SRSF11: variants seen among roughly 807,000 people sequenced by gnomAD.
The protein encoded by SRSF11 is serine and arginine rich splicing factor 11.
A neutral mutation model predicts 56.0 loss-of-function variants in SRSF11; 9 were observed. The ratio of observed to expected loss-of-function variants is 0.16; its 90% CI spans 0.10 to 0.28. The LOEUF is 0.28. SRSF11 is among the 10% of genes least tolerant of loss of function. The pLI, the probability that SRSF11 is intolerant of heterozygous loss-of-function variation, is 1.00. For synonymous variants in SRSF11, 222 were observed against 215.3 expected, an observed-to-expected ratio of 1.03 and a Z score of -0.27; for missense variants, 421 against 600.7, an observed-to-expected ratio of 0.70 and a Z score of 3.13.
chr1:70,229,361 C>A (rs529246636), intron 2 of SRSF11: 2 of 1,191,682 alleles, frequency 1.7e-6, no homozygotes, highest in African/African-American at 3.2e-5. Context: ...TACATTTTCT[C>A]TCTTTTTACA....
Position 70,221,989 on chromosome 1 carries a change from C to T in SRSF11, c.203+150C>T, listed in dbSNP as rs1670747181. ...TGGATTTACTTAAGACGGTTGTGTT[C>T]CAGGCCTACAAAAAAATGCAGAGAG... On this transcript the variant is annotated intron_variant, in intron 1 of 11. Coordinates refer to ENST00000370949, the MANE Select transcript of SRSF11 (RefSeq NM_001350605.2). The T allele has an allele frequency of 2.2e-6, 3 of 1,380,004 alleles. No homozygotes were observed. The Admixed American group carries it at 9.2e-5, about 42-fold the overall frequency. The allele number at this position is 1,380,004 out of a possible 1,614,324, so 85.5% of individuals were successfully genotyped here.
chr1:70,227,902 C>T (rs1672154507), intron 1 of SRSF11, among the ~76,000 whole-genome samples: 2 of 152,130 alleles, frequency 1.3e-5, no homozygotes, highest in Admixed American at 6.5e-5. Flanking sequence ...CATAAGAGTT[C>T]TTACATGCTG....
chr1:70,218,270 C>T (rs552453820), upstream of SRSF11, among the ~76,000 whole-genome samples: 4 of 152,214 alleles, frequency 2.6e-5, no homozygotes, highest in African/African-American at 9.6e-5. Flanking sequence ...ACCTGGCCAA[C>T]AGGGCTGGTA....
At chr1:70,216,089 C>CT (rs1381814805) in intron 1 of SRSF11, among the ~76,000 whole-genome samples, 3 of 152,068 alleles carry the variant, frequency 2.0e-5, no homozygotes. Context: ...CGTGGCCTGT[C>CT]TGCTCTCCTT....
chr1:70,216,952 G>T (rs190012545), upstream of SRSF11, among the ~76,000 whole-genome samples: 331 of 152,164 alleles, frequency 2.2e-3, 2 homozygotes, highest in African/African-American at 7.4e-3. Flanking sequence ...CTTCAAACTT[G>T]TTCTTATCCT....
chr1:70,233,716 G>A (rs1159279015), intron 3 of SRSF11, among the ~76,000 whole-genome samples: 6 of 152,202 alleles, frequency 3.9e-5, no homozygotes, highest in Middle Eastern at 3.2e-3. Flanking sequence ...AGAACTTGTA[G>A]CACAGGTGGA....
At chr1:70,237,295 C>A in intron 5 of SRSF11, 130 bp from the exon 6 acceptor site, 1 of 1,131,988 alleles carries the variant, frequency 8.8e-7, no homozygotes, top group Non-Finnish European at 1.3e-6. Flanking sequence ...CCAAAGTTAT[C>A]ATGGAGTCCT....
intron 2 of SRSF11, chr1:70,230,549 T>G (rs1281772107): frequency 7.8e-7 from 1 of 1,277,850 alleles, no homozygotes; most frequent in Non-Finnish European, 1.0e-6. Flanking sequence ...TTCTACACAT[T>G]CATGCAGTAT....
At chr1:70,245,431 A>G (rs1676527638) in intron 8 of SRSF11, among the ~76,000 whole-genome samples, 1 of 152,198 alleles carries the variant, frequency 6.6e-6, no homozygotes. Flanking sequence ...TCATTGTTAA[A>G]CCTGTAATAA....
chr1:70,244,733 C>G lies in SRSF11; in HGVS notation c.850C>G (p.Arg284Gly), dbSNP rs200246379. 1.9e-6 allele frequency: 3 copies of G among 1,613,900 alleles called. No homozygotes were observed. The highest frequency in any genetic ancestry group is 2.5e-6 in the Non-Finnish European group (3 of 1,179,990). Residue 284 changes from arginine (R) to glycine (G), a missense_variant, in exon 8 of 12, where the codon CGG becomes GGG. Around this residue, in one of 2 missense-constraint regions of SRSF11, gnomAD observed 253 missense variants for 305.8 expected, o/e 0.83. Transcript: ENST00000370949. ...RRRSHSKSRS[R>G]RRSKSPRRRR... Reference sequence around the variant, plus strand: ...GCGGTCACATTCTAAGTCTAGGAGTCGGCGACGATCCAAAAGCCCAAGGCG... The same window carrying G: ...GCGGTCACATTCTAAGTCTAGGAGTGGGCGACGATCCAAAAGCCCAAGGCG...
Position 70,208,591 on chromosome 1 carries a change from G to A in SRSF11, c.-26+2811G>A, listed in dbSNP as rs78033376. 3.6e-3 allele frequency among the ~76,000 whole-genome samples: 554 copies of A among 152,190 alleles called. 6 individuals carry two copies. The highest frequency in any genetic ancestry group is 0.013 in the African/African-American group (525 of 41,496). ...GGCCTCATGTGATCCACCTGCCTCG[G>A]CCCCCGAAATTGCGGGAATTACAGG... is the stretch of plus-strand genomic sequence containing the variant. On this transcript the variant is annotated intron_variant, in intron 1 of 12. Coordinates refer to the SRSF11 transcript ENST00000370950.
At chr1:70,217,299 C>T (rs912077043), upstream of SRSF11, among the ~76,000 whole-genome samples, 3 of 152,132 alleles carry the variant, frequency 2.0e-5, no homozygotes, top group East Asian at 1.9e-4. Context: ...GCTGGGATTA[C>T]AGGCATGTGC....
At chr1:70,217,074 C>T (rs950852299), upstream of SRSF11, among the ~76,000 whole-genome samples, 14 of 152,286 alleles carry the variant, frequency 9.2e-5, no homozygotes, top group East Asian at 2.5e-3. Context: ...CTTTTTCCGC[C>T]ATCCCCTGTC....
intron 2 of SRSF11, chr1:70,232,037 C>G: frequency 6.6e-7 from 1 of 1,520,450 alleles, no homozygotes; most frequent in South Asian, 1.3e-5. Context: ...TTTTTTTACT[C>G]TAGAAACTTA....
intron 5 of SRSF11, 41 bp downstream of exon 5, chr1:70,235,591 T>C (rs377472793): frequency 6.3e-7 from 1 of 1,584,872 alleles, no homozygotes; most frequent in Non-Finnish European, 8.6e-7. Flanking sequence ...ATGTGGTATC[T>C]GAATGTCTAC....
At chr1:70,215,128 C>T (rs769473354) in intron 1 of SRSF11, among the ~76,000 whole-genome samples, 35 of 151,948 alleles carry the variant, frequency 2.3e-4, no homozygotes, top group Non-Finnish European at 4.3e-4. Flanking sequence ...GAACTCCTGG[C>T]GTGAAGTGAT....
upstream of SRSF11, chr1:70,220,911 AAT>A (rs1670483127): frequency 6.6e-6 from 1 of 152,174 alleles, no homozygotes; most frequent in South Asian, 2.1e-4. Context: ...GTAATATTAA[AAT>A]ATATCTTTTC....
intron 7 of SRSF11, among the ~76,000 whole-genome samples, chr1:70,243,910 A>G (rs1346166271): frequency 6.6e-6 from 1 of 152,106 alleles, no homozygotes; most frequent in East Asian, 1.9e-4. Flanking sequence ...ATGAGTTTTA[A>G]TGCAGTAGGG....
At chr1:70,242,667 T>G (rs989729899) in intron 7 of SRSF11, among the ~76,000 whole-genome samples, 3 of 152,124 alleles carry the variant, frequency 2.0e-5, no homozygotes, top group Non-Finnish European at 4.4e-5. Flanking sequence ...GCTTTTTGAC[T>G]TTATTAAAAA....
Sources: allele counts gnomAD v4.1 joint callset (sites outside exome capture counted in the v4.1 genomes callset), GRCh38; gene constraint gnomAD v4.1.1; regional missense constraint gnomAD v4.1.1; transcripts MANE v1.5; gene names NCBI Gene and HGNC (gene_info 2026-07-23, HGNC 2026-07-21).